The following TMEM108 variants were observed in gnomAD, a reference collection of about 807,000 sequenced individuals.
The protein encoded by TMEM108 is transmembrane protein 108, also known as cancer/testis antigen 124.
A neutral mutation model predicts 35.1 loss-of-function variants in TMEM108; 12 were observed. The observed-to-expected ratio is 0.34, with a 90% confidence interval of 0.22 to 0.55. The LOEUF (loss-of-function observed/expected upper bound fraction) is 0.55, where lower values mean the gene tolerates loss of function less well. Among genes scored for constraint, TMEM108 ranks in the 20% least tolerant of loss-of-function variants. TMEM108 has a pLI of 0.89. For missense variants in TMEM108, 680 were observed against 753.3 expected, an observed-to-expected ratio of 0.90 and a Z score of 1.14; for synonymous variants, 287 against 308.6, an observed-to-expected ratio of 0.93 and a Z score of 0.73.
In TMEM108 at chr3:133,184,313, G is replaced by GTTATTT. The variant is rs574880060; in HGVS notation, c.-46-44952_-46-44951insTATTTT. On this transcript the variant is annotated intron_variant, in intron 2 of 5. Coordinates refer to ENST00000321871, the MANE Select transcript of TMEM108 (RefSeq NM_023943.4). ...CATTTAAATTTAATTTAATGTAAATGTACATTAGCAATATTTTAATTCACA... is the reference window on the plus strand; with the variant it reads ...CATTTAAATTTAATTTAATGTAAATGTTATTTTACATTAGCAATATTTTAATTCACA... Among the ~76,000 whole-genome samples the GTTATTT allele has an allele frequency of 1.6e-3, 242 of 152,276 alleles. 1 individual carries two copies. Among genetic ancestry groups the GTTATTT allele is most frequent in the Non-Finnish European group, 2.9e-3 (197 of 68,016 alleles).
rs2107839283 is a variant in TMEM108, at chr3:133,380,049, T to C, written c.338T>C (p.Leu113Pro). 1.9e-6 allele frequency: 3 copies of C among 1,613,758 alleles called. No homozygotes were observed. In the East Asian group the frequency reaches 6.7e-5, roughly 36 times the overall value. Reference protein sequence around the residue: ...TVTAPHSESSLSTGPAPAAMA... With the variant: ...TVTAPHSESSPSTGPAPAAMA... ...ACCGCCCCCCATTCTGAAAGCTCCC[T>C]GTCCACAGGGCCCGCTCCAGCAGCC... The change falls in exon 4 of 6, where the codon CTG becomes CCG. Residue 113 changes from leucine to proline, a missense_variant. Coordinates refer to ENST00000321871, the MANE Select transcript of TMEM108 (RefSeq NM_023943.4). This position sits in a 1 kb window ranked among gnomAD's most constrained non-coding sequence, Gnocchi z 5.3.
At chr3:133,367,379 G>A (rs1316715380) in intron 3 of TMEM108, among the ~76,000 whole-genome samples, 1 of 152,360 alleles carries the variant, frequency 6.6e-6, no homozygotes. Flanking sequence ...GGGAAAAGGA[G>A]AAGAAAGCTT....
intron 3 of TMEM108, among the ~76,000 whole-genome samples, chr3:133,250,444 A>T (rs936251038): frequency 1.3e-5 from 2 of 152,238 alleles, no homozygotes; most frequent in Non-Finnish European, 2.9e-5. Flanking sequence ...TATATATAAC[A>T]TACAAAATAT....
At chr3:133,378,512 G>A (rs2072909752) in intron 3 of TMEM108, 1 of 985,542 alleles carries the variant, frequency 1.0e-6, no homozygotes, top group Non-Finnish European at 1.2e-6. Context: ...GGAACTGCCT[G>A]AGGATGACAA....
At chr3:133,365,156 AG>A (rs1444726569) in intron 3 of TMEM108, among the ~76,000 whole-genome samples, 1 of 152,228 alleles carries the variant, frequency 6.6e-6, no homozygotes, top group Non-Finnish European at 1.5e-5. Flanking sequence ...CCCTCCTAGC[AG>A]CTCCGGAATG....
chr3:133,103,201 C>T lies in TMEM108; in HGVS notation c.-47+57181C>T, dbSNP rs140080965. Among the ~76,000 whole-genome samples the T allele has an allele frequency of 4.1e-3, 627 of 152,174 alleles. 5 individuals carry two copies. The highest frequency in any genetic ancestry group is 0.031 in the Middle Eastern group (9 of 294). ...AATCAGCTGAAATGCCCATCAGTGG[C>T]GGACTGGATAAAGAAATTGTGTACA... On this transcript the variant is annotated intron_variant, in intron 2 of 5. Transcript: ENST00000321871.
chr3:133,346,566 T>C lies in TMEM108; in HGVS notation c.41-33186T>C, dbSNP rs2071822406. On this transcript the variant is annotated intron_variant, in intron 3 of 5. Transcript: ENST00000321871. This position sits in a 1 kb window ranked among gnomAD's most constrained non-coding sequence, Gnocchi z 4.0. ...GTATATTTTGGATTCAAGTCCTTTA[T>C]TGAATGTATGCAATTATTTTCTTCC... 6.6e-6 allele frequency among the ~76,000 whole-genome samples: 1 copy of C among 152,098 alleles called. No individual in the cohort carries two copies. Among genetic ancestry groups the C allele is most frequent in the African/African-American group, 2.4e-5 (1 of 41,462 alleles).
chr3:133,156,610 G>A (rs1944885380), intron 2 of TMEM108, among the ~76,000 whole-genome samples: 2 of 152,196 alleles, frequency 1.3e-5, no homozygotes, highest in South Asian at 4.1e-4. Context: ...CTACAAGGGT[G>A]GAGTAGAAAT....
chr3:133,388,260 A>G (rs1407021610), intron 4 of TMEM108: 4 of 985,372 alleles, frequency 4.1e-6, no homozygotes, highest in Non-Finnish European at 4.8e-6. Flanking sequence ...AGGTAGTGAC[A>G]ATGAAGAACA....
At chr3:133,386,516 T>TCA in intron 4 of TMEM108, 1 of 1,534,354 alleles carries the variant, frequency 6.5e-7, no homozygotes, top group Non-Finnish European at 8.7e-7. Context: ...CTTCTTCCTG[T>TCA]CACACATCTG....
chr3:133,319,174 C>T (rs912688341), intron 3 of TMEM108, among the ~76,000 whole-genome samples: 1 of 152,154 alleles, frequency 6.6e-6, no homozygotes, highest in African/African-American at 2.4e-5. Context: ...CCCATGGTAG[C>T]TACGGCAAGC....
chr3:133,197,995 C>G (rs1272577704), intron 2 of TMEM108, among the ~76,000 whole-genome samples: 1 of 152,124 alleles, frequency 6.6e-6, no homozygotes, highest in Non-Finnish European at 1.5e-5. Context: ...TAATGACATG[C>G]AAGTATCTTC....
Position 133,076,220 on chromosome 3 carries a change from A to AT in TMEM108, c.-47+30201dup, listed in dbSNP as rs1470619049. 5.9e-5 allele frequency among the ~76,000 whole-genome samples: 9 copies of AT among 152,252 alleles called. 1 individual carries two copies. The highest frequency in any genetic ancestry group is 2.6e-4 in the Admixed American group (4 of 15,288). Reference sequence around the variant, plus strand: ...AGTTATGCTTTGATAAAACTAAAAAATAAGGAACTTTTCCATAAAAGTAGG... The same window carrying AT: ...AGTTATGCTTTGATAAAACTAAAAAATTAAGGAACTTTTCCATAAAAGTAGG... On this transcript the variant is annotated intron_variant, in intron 2 of 5. Coordinates refer to ENST00000321871, the MANE Select transcript of TMEM108 (RefSeq NM_023943.4).
chr3:133,252,596 T>C (rs1199695758), intron 3 of TMEM108, among the ~76,000 whole-genome samples: 1 of 152,088 alleles, frequency 6.6e-6, no homozygotes, highest in Non-Finnish European at 1.5e-5. Flanking sequence ...CATGTTTCTG[T>C]AGAGAAGAGG....
chr3:133,366,516 A>G (rs1444574682), intron 3 of TMEM108, among the ~76,000 whole-genome samples: 2 of 152,156 alleles, frequency 1.3e-5, no homozygotes, highest in African/African-American at 4.8e-5. Context: ...TACATGTGCA[A>G]TATGCTCCAC....
At chr3:133,333,177 A>G (rs2071419333) in intron 3 of TMEM108, among the ~76,000 whole-genome samples, 1 of 152,154 alleles carries the variant, frequency 6.6e-6, no homozygotes, top group African/African-American at 2.4e-5. Flanking sequence ...TACACTGGCT[A>G]TTAAATTTAA....
intron 5 of TMEM108, among the ~76,000 whole-genome samples, chr3:133,394,792 T>A (rs2073282474): frequency 6.6e-6 from 1 of 151,820 alleles, no homozygotes; most frequent in Admixed American, 6.6e-5. Context: ...ACAATGGCAT[T>A]TCTTCCTTAC....
At chr3:133,145,180 A>G (rs1172031065) in intron 2 of TMEM108, among the ~76,000 whole-genome samples, 1 of 152,212 alleles carries the variant, frequency 6.6e-6, no homozygotes, top group Non-Finnish European at 1.5e-5. Context: ...TTTTCTGCAT[A>G]TGACTAGCCA....
At chr3:133,093,930 C>CCT (rs1943979328) in intron 2 of TMEM108, among the ~76,000 whole-genome samples, 1 of 152,074 alleles carries the variant, frequency 6.6e-6, no homozygotes, top group South Asian at 2.1e-4. Context: ...TAGGAACCTG[C>CCT]CACTTGCATT....
Sources: allele counts gnomAD v4.1 joint callset (sites outside exome capture counted in the v4.1 genomes callset), GRCh38; gene constraint gnomAD v4.1.1; non-coding constraint Gnocchi (gnomAD v3.1); transcripts MANE v1.5; gene names NCBI Gene and HGNC (gene_info 2026-07-23, HGNC 2026-07-21).